Variants in SLC43A1 observed in about 807,000 individuals in gnomAD.
The protein encoded by SLC43A1 is large neutral amino acids transporter small subunit 3.
A neutral mutation model predicts 59.5 loss-of-function variants in SLC43A1; 31 were observed. That is an observed-to-expected ratio of 0.52 (90% CI 0.39 to 0.70). SLC43A1 has a LOEUF of 0.70. SLC43A1 is among the 30% of genes least tolerant of loss of function. The pLI is 0.00. For missense variants in SLC43A1, 598 were observed against 717.8 expected (o/e 0.83, Z 1.91); for synonymous variants, 259 against 290.9 (o/e 0.89, Z 1.12).
At chr11:57,487,612 C>T (rs981519858) in intron 13 of SLC43A1, among the ~76,000 whole-genome samples, 1 of 152,018 alleles carries the variant, frequency 6.6e-6, no homozygotes, top group South Asian at 2.1e-4. Context: ...TCAACAGATT[C>T]CTGCCATCGA....
At chr11:57,497,994 C>G (rs1944140416) in intron 5 of SLC43A1, 149 bp from the exon 6 acceptor site, 2 of 591,126 alleles carry the variant, frequency 3.4e-6, no homozygotes, top group African/African-American at 3.7e-5. Flanking sequence ...AAACTGTACT[C>G]TGCCCCCTGC....
chr11:57,508,294 G>A (rs1944441364), intron 2 of SLC43A1, among the ~76,000 whole-genome samples: 1 of 151,274 alleles, frequency 6.6e-6, no homozygotes, highest in South Asian at 2.1e-4. Flanking sequence ...AGAAAAGAAA[G>A]AAAGATAGAA....
Position 57,500,776 on chromosome 11 carries a change from C to T in SLC43A1, c.465+3G>A. 6.2e-7 allele frequency: 1 copy of T among 1,614,048 alleles called. No homozygotes were observed. Among genetic ancestry groups the T allele is most frequent in the Non-Finnish European group, 8.5e-7 (1 of 1,179,900 alleles). ...GCTGCCAGGCCAGGCCTGTGACACTCACCGTGAGTGAAGTGAACGTTAGGC... is the reference window on the plus strand; with the variant it reads ...GCTGCCAGGCCAGGCCTGTGACACTTACCGTGAGTGAAGTGAACGTTAGGC... On this transcript the variant is annotated splice_donor_region_variant and intron_variant, in intron 5 of 14. Transcript: ENST00000278426.
intron 5 of SLC43A1, among the ~76,000 whole-genome samples, chr11:57,499,872 A>G (rs1341814225): frequency 1.3e-5 from 2 of 152,116 alleles, no homozygotes; most frequent in African/African-American, 4.8e-5. Flanking sequence ...CCCTGGGCCA[A>G]GTTGCACAGC....
chr11:57,514,142 G>T lies in SLC43A1; in HGVS notation c.-13-18C>A, dbSNP rs1944621938. The stretch of plus-strand genomic sequence containing the variant: ...CCCCGAGCCTGCACAGAAACAGAGC[G>T]CTGGGTGAAGGGCCCCCCAGTGGCC... On this transcript the variant is annotated intron_variant, in intron 1 of 14. Transcript: ENST00000278426. This position sits in a 1 kb window ranked among gnomAD's most constrained non-coding sequence, Gnocchi z 5.5. The T allele has an allele frequency of 6.4e-7, 1 of 1,560,374 alleles. No individual in the cohort carries two copies.
chr11:57,501,113 G>A, intron 3 of SLC43A1, 39 bp downstream of exon 3: 1 of 1,612,832 alleles, frequency 6.2e-7, no homozygotes, highest in Non-Finnish European at 8.5e-7. Flanking sequence ...CTGCAGCACG[G>A]TCCCTGTCCT....
chr11:57,507,612 C>T (rs1944422215), intron 2 of SLC43A1, among the ~76,000 whole-genome samples: 1 of 152,188 alleles, frequency 6.6e-6, no homozygotes, highest in Non-Finnish European at 1.5e-5. Flanking sequence ...CACTGGACTC[C>T]AGCCTAGGCA....
At chr11:57,501,610 C>T (rs1944269729) in intron 2 of SLC43A1, among the ~76,000 whole-genome samples, 1 of 152,170 alleles carries the variant, frequency 6.6e-6, no homozygotes, top group South Asian at 2.1e-4. Flanking sequence ...ACTCAGTGTC[C>T]AAGCTTAGGG....
In SLC43A1 at chr11:57,515,003, G is replaced by A. The variant is rs1427652194; in HGVS notation, c.-14+441C>T. 1 of 984,066 alleles carries A rather than the reference G, an allele frequency of 1.0e-6. No homozygotes were observed. The highest frequency in any genetic ancestry group is 1.2e-6 in the Non-Finnish European group (1 of 828,732). The allele number at this position is 984,066 out of a possible 1,614,324, so 61.0% of individuals were successfully genotyped here. A position where few individuals can be genotyped will look rare whatever the true frequency, so the allele number is the denominator to read the frequency against. ...CAGCCTCGGCGGGAGGAGAGGGAAC[G>A]CGGGCGGCGCGGGGGCGGGGAGCGA... On this transcript the variant is annotated intron_variant, in intron 1 of 14. Transcript: ENST00000278426. The surrounding 1 kb of genome is among the most constrained non-coding windows in gnomAD (Gnocchi z 5.3).
chr11:57,496,539 G>T (rs1438272804), intron 6 of SLC43A1, among the ~76,000 whole-genome samples: 7 of 152,106 alleles, frequency 4.6e-5, no homozygotes, highest in Non-Finnish European at 1.0e-4. Context: ...ACGTACAAAG[G>T]AAACTTAGTG....
intron 2 of SLC43A1, among the ~76,000 whole-genome samples, chr11:57,503,970 A>G (rs1944331810): frequency 6.6e-6 from 1 of 152,072 alleles, no homozygotes; most frequent in Admixed American, 6.6e-5. Context: ...AAGGAGGGTA[A>G]ATCACAAAGT....
intron 2 of SLC43A1, among the ~76,000 whole-genome samples, chr11:57,510,015 T>C (rs1444960460): frequency 6.6e-6 from 1 of 152,050 alleles, no homozygotes; most frequent in Non-Finnish European, 1.5e-5. Flanking sequence ...AATTTTAAAG[T>C]GGGCAAAGGA....
chr11:57,491,807 G>A lies in SLC43A1; in HGVS notation c.927C>T (p.Leu309=), dbSNP rs538987593. Residue 309 remains leucine (L), a synonymous_variant, in exon 9 of 15, where the codon CTC becomes CTT. Transcript: ENST00000278426. The stretch of plus-strand genomic sequence containing the variant: ...TCCGCAGCTGGGTCATGCCCATGGT[G>A]AGGAGGCTCCACAGGAAAGTGGGGG... ...LCSPTFLWSL[L]TMGMTQLRII... 6 of 1,614,234 alleles carry A rather than the reference G, an allele frequency of 3.7e-6. No individual in the cohort carries two copies. Among genetic ancestry groups the A allele is most frequent in the African/African-American group, 2.7e-5 (2 of 75,064 alleles).
Position 57,503,519 on chromosome 11 carries a change from T to C in SLC43A1, c.155-2190A>G, listed in dbSNP as rs12802141. 2.4e-4 allele frequency among the ~76,000 whole-genome samples: 37 copies of C among 152,140 alleles called. 1 individual carries two copies. In the South Asian group the frequency reaches 7.7e-3, roughly 32 times the overall value. ...TTGTATTTTTTGTAGAGATGAGGTTTCAACTGTTGCCCAGGCTGGTCTCGA... is the reference window on the plus strand; with the variant it reads ...TTGTATTTTTTGTAGAGATGAGGTTCCAACTGTTGCCCAGGCTGGTCTCGA... On this transcript the variant is annotated intron_variant, in intron 2 of 14. Coordinates refer to ENST00000278426, the MANE Select transcript of SLC43A1 (RefSeq NM_003627.6).
intron 11 of SLC43A1, among the ~76,000 whole-genome samples, chr11:57,490,610 GTCAGCCCT>G (rs1186821132): frequency 2.6e-5 from 4 of 152,202 alleles, no homozygotes; most frequent in Admixed American, 6.5e-5. Flanking sequence ...TCCAACCCCA[GTCAGCCCT>G]TCAGATGACT....
chr11:57,494,121 T>G lies in SLC43A1; in HGVS notation c.743A>C (p.Asp248Ala). 6.2e-7 allele frequency: 1 copy of G among 1,610,434 alleles called. No homozygotes were observed. The highest frequency in any genetic ancestry group is 8.5e-7 in the Non-Finnish European group (1 of 1,178,530). The change falls in exon 8 of 15, where the codon GAC (aspartate) becomes GCC (alanine). Residue 248 changes from aspartate (D) to alanine (A), a missense_variant. Asp to Ala is a moderately radical substitution (Grantham distance 126). Coordinates refer to ENST00000278426, the MANE Select transcript of SLC43A1 (RefSeq NM_003627.6). The stretch of plus-strand genomic sequence containing the variant: ...GGTGGTCACATGGGTGTAGAAGAGG[T>G]CACCTGTCACCTTGTGGTCCAGGGC... Reference protein sequence around the residue: ...GLALDHKVTGDLFYTHVTTMG... With the variant: ...GLALDHKVTGALFYTHVTTMG...
intron 7 of SLC43A1, among the ~76,000 whole-genome samples, chr11:57,494,735 G>A (rs1163665110): frequency 5.3e-5 from 8 of 152,162 alleles, no homozygotes; most frequent in Non-Finnish European, 1.0e-4. Flanking sequence ...TGGGGTGCTT[G>A]ATTCTTTTAT....
chr11:57,489,448 T>G lies in SLC43A1; in HGVS notation c.1194-56A>C. 5 of 1,598,474 alleles carry G rather than the reference T, an allele frequency of 3.1e-6. No homozygotes were observed. The Admixed American group carries it at 5.1e-5, about 16-fold the overall frequency. ...CCTCTACGTTCCCAGGACTCCCTGG[T>G]TCTTGGCCTGGCCCCTCCCCCTTCA... On this transcript the variant is annotated intron_variant, in intron 11 of 14. Coordinates refer to ENST00000278426, the MANE Select transcript of SLC43A1 (RefSeq NM_003627.6).
intron 14 of SLC43A1, among the ~76,000 whole-genome samples, chr11:57,485,942 A>G (rs565326960): frequency 5.3e-5 from 8 of 152,378 alleles, no homozygotes; most frequent in African/African-American, 1.4e-4. Context: ...GGGCAGATGA[A>G]AGATCAGCGT....
Sources: gnomAD v4.1 joint callset for allele counts (sites outside exome capture counted in the v4.1 genomes callset) on GRCh38, gnomAD v4.1.1 for gene constraint, Gnocchi (gnomAD v3.1) non-coding constraint, MANE v1.5 for transcripts, NCBI Gene and HGNC (gene_info 2026-07-23, HGNC 2026-07-21) for gene names.